Variants in DNAJC10 observed in about 807,000 individuals in gnomAD.
The protein encoded by DNAJC10 is DnaJ heat shock protein family (Hsp40) member C10.
DNAJC10 carries 101 observed loss-of-function variants against 115.0 expected under a neutral mutation model. That is an observed-to-expected ratio of 0.88 (90% CI 0.75 to 1.04). DNAJC10 has a LOEUF of 1.04. DNAJC10 is among the 50% of genes least tolerant of loss of function. The pLI is 0.00. For missense variants in DNAJC10, 981 were observed against 928.8 expected (o/e 1.06, Z -0.73); for synonymous variants, 307 against 301.5 (o/e 1.02, Z -0.19).
Position 182,748,595 on chromosome 2 carries a change from A to G in DNAJC10, c.1307-3063A>G, listed in dbSNP as rs193253097. 4.3e-3 allele frequency among the ~76,000 whole-genome samples: 653 copies of G among 151,968 alleles called. 7 individuals are homozygous for G. Among genetic ancestry groups the G allele is most frequent in the African/African-American group, 0.015 (626 of 41,418 alleles). On this transcript the variant is annotated intron_variant, in intron 14 of 23. Transcript: ENST00000264065. Reference sequence around the variant, plus strand: ...GGTGATATCCCCTTTATCATTTTTTATTGCATCTATTTGATTCTTCTCTCT... The same window carrying G: ...GGTGATATCCCCTTTATCATTTTTTGTTGCATCTATTTGATTCTTCTCTCT...
At chr2:182,762,935 GT>G in intron 22 of DNAJC10, 134 bp downstream of exon 22, 1 of 1,056,136 alleles carries the variant, frequency 9.5e-7, no homozygotes, top group Admixed American at 2.8e-5. Context: ...ACTGATACAA[GT>G]TTTTAAAATT....
rs1694809780 is a variant in DNAJC10 at position 182,780,061 on chromosome 2, G to A, written c.*2929G>A. On this transcript the variant is annotated 3_prime_UTR_variant, in exon 24 of 24. Transcript: ENST00000264065. ...ATTTTTATGATACCTATAGAAAATT[G>A]ATAATGAAGATGAAAAGTAAATAAC... 1 of 152,124 alleles carries A rather than the reference G, an allele frequency of 6.6e-6. No homozygotes were observed. The allele number at this position is 152,124 out of a possible 1,614,324, so 9.4% of individuals were successfully genotyped here.
intron 5 of DNAJC10, among the ~76,000 whole-genome samples, chr2:182,728,278 C>T (rs970225117): frequency 1.6e-4 from 24 of 152,188 alleles, no homozygotes; most frequent in African/African-American, 5.3e-4. Context: ...ACTTTATGGC[C>T]ATATTTATCT....
Position 182,759,432 on chromosome 2 carries a change from A to G in DNAJC10, c.2145+125A>G, listed in dbSNP as rs1400834688. 4.8e-5 allele frequency: 43 copies of G among 898,134 alleles called. No homozygotes were observed. The East Asian group carries it at 8.2e-4, about 17-fold the overall frequency. The allele number at this position is 898,134 out of a possible 1,614,324, so 55.6% of individuals were successfully genotyped here. A position where few individuals can be genotyped will look rare whatever the true frequency, so the allele number is the denominator to read the frequency against. On this transcript the variant is annotated intron_variant, in intron 21 of 23. Coordinates refer to ENST00000264065, the MANE Select transcript of DNAJC10 (RefSeq NM_018981.4). ...GTTTCCTCTGAATTTAAAAATAGCT[A>G]TTATATTTCTATGACTGTAATGGTT... is the stretch of plus-strand genomic sequence containing the variant.
intron 8 of DNAJC10, 143 bp downstream of exon 8, chr2:182,730,084 T>C (rs1693402520): frequency 1.7e-6 from 1 of 575,154 alleles, no homozygotes; most frequent in Middle Eastern, 4.6e-4. Context: ...AATTGTGTCA[T>C]TTACTCTGAA....
chr2:182,720,830 A>G (rs996597128), intron 4 of DNAJC10, among the ~76,000 whole-genome samples: 12 of 152,148 alleles, frequency 7.9e-5, no homozygotes, highest in African/African-American at 2.4e-4. Context: ...TGTCCAAGAA[A>G]GGCGAAACTT....
At chr2:182,769,146 G>T (rs1453130068) in intron 22 of DNAJC10, among the ~76,000 whole-genome samples, 2 of 152,102 alleles carry the variant, frequency 1.3e-5, no homozygotes, top group Non-Finnish European at 2.9e-5. Context: ...CCCTGCAAAG[G>T]ACATGAACGC....
rs144060054 is a variant in DNAJC10, at chr2:182,762,714, A to G, written c.2178A>G (p.Val726=). Residue 726 remains valine (V), a synonymous_variant, in exon 22 of 24, where the codon GTA becomes GTG. Transcript: ENST00000264065. The part of the protein sequence containing the change: ...MIKGKVKAGK[V]DCQAYAQTCQ... ...AAGGAAAAGTGAAAGCTGGAAAAGTAGACTGTCAGGCTTATGCTCAGACAT... is the reference window on the plus strand; with the variant it reads ...AAGGAAAAGTGAAAGCTGGAAAAGTGGACTGTCAGGCTTATGCTCAGACAT... 6.2e-6 allele frequency: 10 copies of G among 1,612,658 alleles called. No homozygotes were observed. Among genetic ancestry groups the G allele is most frequent in the Non-Finnish European group, 8.5e-6 (10 of 1,178,966 alleles).
chr2:182,733,703 T>TG (rs1693509241), intron 10 of DNAJC10, among the ~76,000 whole-genome samples: 1 of 150,114 alleles, frequency 6.7e-6, no homozygotes, highest in South Asian at 2.1e-4. Flanking sequence ...TTTTTTTTTT[T>TG]GGTAGAATTT....
intron 14 of DNAJC10, among the ~76,000 whole-genome samples, chr2:182,746,801 T>C (rs929073619): frequency 2.6e-5 from 4 of 152,120 alleles, no homozygotes; most frequent in African/African-American, 9.7e-5. Flanking sequence ...ATGAAGTCCT[T>C]TCCCATGCCT....
rs1695038734 is a variant in DNAJC10 at position 182,790,937 on chromosome 2, A to G, written c.*13805A>G. On this transcript the variant is annotated 3_prime_UTR_variant, in exon 24 of 24. Coordinates refer to ENST00000264065, the MANE Select transcript of DNAJC10 (RefSeq NM_018981.4). ...ATTCTCTTATTTCTTCCAAGTAACCATATTCTCTTTTACCCTCCTGTTCAA... is the reference window on the plus strand; with the variant it reads ...ATTCTCTTATTTCTTCCAAGTAACCGTATTCTCTTTTACCCTCCTGTTCAA... 1.3e-5 allele frequency: 2 copies of G among 152,046 alleles called. No homozygotes were observed. The highest frequency in any genetic ancestry group is 4.1e-4 in the South Asian group (2 of 4,822). The allele number at this position is 152,046 out of a possible 1,614,324, so 9.4% of individuals were successfully genotyped here. A position where few individuals can be genotyped will look rare whatever the true frequency, so the allele number is the denominator to read the frequency against.
chr2:182,725,169 G>C (rs1254355770), intron 5 of DNAJC10, among the ~76,000 whole-genome samples: 3 of 152,070 alleles, frequency 2.0e-5, no homozygotes, highest in East Asian at 3.9e-4. Context: ...GTGCCCATAG[G>C]ATGGCATACT....
Position 182,789,571 on chromosome 2 carries a change from A to T in DNAJC10, c.*12439A>T, listed in dbSNP as rs1445675964. On this transcript the variant is annotated 3_prime_UTR_variant, in exon 24 of 24. Coordinates refer to ENST00000264065, the MANE Select transcript of DNAJC10 (RefSeq NM_018981.4). ...TAATATTCAATTATATATACATTCT[A>T]CATTTTGTTATTCGTCCGTTGATAG... The T allele has an allele frequency of 6.6e-6, 1 of 152,212 alleles. No homozygotes were observed. Among genetic ancestry groups the T allele is most frequent in the Non-Finnish European group, 1.5e-5 (1 of 68,044 alleles). The allele number at this position is 152,212 out of a possible 1,614,324, so 9.4% of individuals were successfully genotyped here.
intron 22 of DNAJC10, among the ~76,000 whole-genome samples, chr2:182,766,847 A>C (rs1186175438): frequency 6.6e-6 from 1 of 151,994 alleles, no homozygotes; most frequent in Non-Finnish European, 1.5e-5. Context: ...TAATCTACTT[A>C]AGGGGGATGG....
At chr2:182,721,334 T>G (rs868854232) in intron 4 of DNAJC10, among the ~76,000 whole-genome samples, 1 of 152,172 alleles carries the variant, frequency 6.6e-6, no homozygotes, top group Non-Finnish European at 1.5e-5. Flanking sequence ...GCTTGCCATT[T>G]GCTTTTATAA....
chr2:182,781,363 T>C lies in DNAJC10; in HGVS notation c.*4231T>C, dbSNP rs1045590583. 1 of 152,218 alleles carries C rather than the reference T, an allele frequency of 6.6e-6. No individual in the cohort carries two copies. The highest frequency in any genetic ancestry group is 6.5e-5 in the Admixed American group (1 of 15,280). The allele number at this position is 152,218 out of a possible 1,614,324, so 9.4% of individuals were successfully genotyped here. ...GCCCGTTTCTTTATCCAGTCTAACA[T>C]TGATGGGCATTTTGGTTGGTTCCAA... On this transcript the variant is annotated 3_prime_UTR_variant, in exon 24 of 24. Transcript: ENST00000264065.
At position 182,777,128 on chromosome 2, in the gene DNAJC10, T is replaced by C; in HGVS notation, c.2378T>C (p.Leu793Pro). ...RNQGKRNKDE[L>P] ...TTTACATTATTATTATAGGATGAAC[T>C]TTGATAATGTTGAAGATGAAGAAAA... The change falls in exon 24 of 24, where the codon CTT becomes CCT. Residue 793 changes from leucine (L) to proline (P), a missense_variant. By Grantham distance (98) the Leu-to-Pro change is moderately conservative (BLOSUM62 -3). Coordinates refer to ENST00000264065, the MANE Select transcript of DNAJC10 (RefSeq NM_018981.4). 7.1e-7 allele frequency: 1 copy of C among 1,412,414 alleles called. No individual in the cohort carries two copies. Among genetic ancestry groups the C allele is most frequent in the Non-Finnish European group, 9.5e-7 (1 of 1,047,662 alleles). The allele number at this position is 1,412,414 out of a possible 1,614,324, so 87.5% of individuals were successfully genotyped here.
intron 22 of DNAJC10, among the ~76,000 whole-genome samples, chr2:182,767,891 T>C (rs1401545745): frequency 1.3e-5 from 2 of 152,128 alleles, no homozygotes; most frequent in Non-Finnish European, 2.9e-5. Flanking sequence ...TATCCTGTTT[T>C]TAGGGTCAAG....
chr2:182,732,404 G>A (rs1693473839), intron 9 of DNAJC10, 95 bp from the exon 10 acceptor site: 9 of 1,184,308 alleles, frequency 7.6e-6, no homozygotes, highest in East Asian at 2.3e-5. Flanking sequence ...AATTGCCTTC[G>A]AATGAACATG....
Sources: allele counts gnomAD v4.1 joint callset (sites outside exome capture counted in the v4.1 genomes callset), GRCh38; gene constraint gnomAD v4.1.1; transcripts MANE v1.5; gene names NCBI Gene and HGNC (gene_info 2026-07-23, HGNC 2026-07-21).